CSF2RA: variants seen among roughly 807,000 people sequenced by gnomAD.
CSF2RA encodes colony stimulating factor 2 receptor subunit alpha.
Under a neutral mutation model 51.6 loss-of-function variants are expected in CSF2RA, and 42 were observed. The ratio of observed to expected loss-of-function variants is 0.81; its 90% CI spans 0.64 to 1.05. The LOEUF (loss-of-function observed/expected upper bound fraction) is 1.05. Among genes scored for constraint, CSF2RA ranks in the 50% least tolerant of loss-of-function variants. The pLI is 0.00. For missense variants in CSF2RA, 530 were observed against 501.1 expected, an observed-to-expected ratio of 1.06 and a Z score of -0.55; for synonymous variants, 222 against 193.0, an observed-to-expected ratio of 1.15 and a Z score of -1.24.
At chrX:1,289,732 T>G (rs2148400331) in intron 6 of CSF2RA, among the ~76,000 whole-genome samples, 1 of 151,864 alleles carries the variant, frequency 6.6e-6, no homozygotes, top group Non-Finnish European at 1.5e-5. Context: ...GTTTTTGTTT[T>G]GTGGTTTTCT....
At chrX:1,301,331 C>CAAAAAAAA (rs1156943650) in intron 10 of CSF2RA, among the ~76,000 whole-genome samples, 51 of 62,630 alleles carry the variant, frequency 8.1e-4, no homozygotes, top group South Asian at 3.2e-3. Flanking sequence ...GACTCTGTCT[C>CAAAAAAAA]AAAAAAAAAA....
rs1603417572 is a variant in CSF2RA, at chrX:1,274,780, C to T, written c.-65C>T. 7 of 453,418 alleles carry T rather than the reference C, an allele frequency of 1.5e-5. No individual in the cohort carries two copies. The highest frequency in any genetic ancestry group is 2.0e-5 in the African/African-American group (1 of 49,966). 28.1% of individuals were successfully genotyped at this position (453,418 alleles called of 1,614,324 possible). The stretch of plus-strand genomic sequence containing the variant: ...TTTACAGCAGGAAAATCCGTGGAGA[C>T]AGCAGATCCGAGAAGCGGCGATGTT... On this transcript the variant is annotated 5_prime_UTR_variant, in exon 2 of 13. It introduces an in-frame stop codon into an upstream open reading frame of the 5' UTR. Transcript: ENST00000381529.
At chrX:1,295,723 G>C (rs2091878070) in intron 9 of CSF2RA, 6 of 648,426 alleles carry the variant, frequency 9.3e-6, no homozygotes, top group East Asian at 2.7e-5. Context: ...AGGAGGAGGA[G>C]ACCCTGCCCC....
At chrX:1,302,547 C>T (rs2083098079) in intron 10 of CSF2RA, among the ~76,000 whole-genome samples, 1 of 152,130 alleles carries the variant, frequency 6.6e-6, no homozygotes, top group African/African-American at 2.4e-5. Flanking sequence ...CTCTGTCACC[C>T]AGGCTGGAGT....
At chrX:1,297,924 CCCCTGGCAGAA>C (rs1767737994) in intron 9 of CSF2RA, among the ~76,000 whole-genome samples, 2 of 45,400 alleles carry the variant, frequency 4.4e-5, no homozygotes, top group Non-Finnish European at 9.7e-5. Flanking sequence ...CTACCCATGA[CCCCTGGCAGAA>C]CCCTACAGTC....
chrX:1,274,019 C>T (rs1212191548), intron 1 of CSF2RA, among the ~76,000 whole-genome samples: 2 of 151,900 alleles, frequency 1.3e-5, no homozygotes. Context: ...GCTTGGCGGC[C>T]TCTATTTTAG....
At chrX:1,316,251 T>TAGA in the CSF2RA span, among the ~76,000 whole-genome samples, 1 of 140,152 alleles carries the variant, frequency 7.1e-6, no homozygotes, top group African/African-American at 2.6e-5. Flanking sequence ...AGATGATAGA[T>TAGA]TAGATAGATG....
rs1377465166 is a variant in CSF2RA, at chrX:1,300,558, G to A, written c.878G>A (p.Ser293Asn). 3 of 1,613,926 alleles carry A rather than the reference G, an allele frequency of 1.9e-6. No homozygotes were observed. Among genetic ancestry groups the A allele is most frequent in the East Asian group, 2.2e-5 (1 of 44,882 alleles). The change falls in exon 10 of 13, where the codon AGT (serine) becomes AAT (asparagine). Residue 293 changes from serine to asparagine, a missense_variant. Coordinates refer to ENST00000381529, the MANE Select transcript of CSF2RA (RefSeq NM_172245.4). ...AGCTCTGAGCCCAGAGCAAAACACA[G>A]TGTGAAGATCAGAGCTGCAGACGTC... Reference protein sequence around the residue: ...FPSSEPRAKHSVKIRAADVRI... With the variant: ...FPSSEPRAKHNVKIRAADVRI...
intron 9 of CSF2RA, among the ~76,000 whole-genome samples, chrX:1,297,700 AC>A (rs1182313679): frequency 2.2e-5 from 1 of 44,716 alleles, no homozygotes; most frequent in African/African-American, 9.1e-5. Context: ...ACAGTCTCCT[AC>A]TCATGACCCC....
intron 3 of CSF2RA, among the ~76,000 whole-genome samples, chrX:1,285,483 C>T (rs1189927114): frequency 1.3e-5 from 2 of 151,576 alleles, no homozygotes; most frequent in Non-Finnish European, 2.9e-5. Context: ...CACCTGAGGT[C>T]GGCAGTTCGA....
intron 2 of CSF2RA, among the ~76,000 whole-genome samples, chrX:1,276,254 G>A (rs1381975810): frequency 6.6e-6 from 1 of 151,566 alleles, no homozygotes; most frequent in African/African-American, 2.4e-5. Flanking sequence ...GGCTGGTCTC[G>A]AACTCCTGAC....
intron 8 of CSF2RA, 29 bp from the exon 9 acceptor site, chrX:1,295,398 C>G (rs755318866): frequency 6.2e-7 from 1 of 1,613,390 alleles, no homozygotes; most frequent in Non-Finnish European, 8.5e-7. Context: ...AAACAGTGAG[C>G]CTTGTGTTGT....
intron 2 of CSF2RA, among the ~76,000 whole-genome samples, chrX:1,278,152 G>A (rs1207593495): frequency 1.6e-4 from 24 of 146,424 alleles, no homozygotes; most frequent in African/African-American, 6.1e-4. Flanking sequence ...TCGCCAACAT[G>A]GTGAAACCCC....
At chrX:1,283,505 C>CTT (rs372783935) in intron 3 of CSF2RA, among the ~76,000 whole-genome samples, 15 of 131,222 alleles carry the variant, frequency 1.1e-4, no homozygotes, top group African/African-American at 4.1e-4. Context: ...TTTCTTTCTC[C>CTT]TTTTTTTTTC....
In CSF2RA at chrX:1,282,729, T is replaced by C. The variant is rs1428817106; in HGVS notation, c.26T>C (p.Leu9Pro). Residue 9 changes from leucine (L) to proline (P), a missense_variant, in exon 3 of 13, where the codon CTG (leucine) becomes CCG (proline). Transcript: ENST00000381529. MLLLVTSL[L>P]LCELPHPAFL... is the part of the protein sequence containing the mutation. ...ATGCTTCTCCTGGTGACAAGCCTTC[T>C]GCTCTGTGAGTTACCACACCCAGCA... The C allele has an allele frequency of 6.2e-7, 1 of 1,613,896 alleles. No individual in the cohort carries two copies.
intron 9 of CSF2RA, among the ~76,000 whole-genome samples, chrX:1,295,962 C>T (rs1166679881): frequency 6.6e-6 from 1 of 151,222 alleles, no homozygotes. Context: ...TCTAGTGTAA[C>T]TCTACAGTCC....
chrX:1,317,246 C>CCTTTTTTTT, the CSF2RA span, among the ~76,000 whole-genome samples: 15 of 57,836 alleles, frequency 2.6e-4, 2 homozygotes, highest in African/African-American at 9.6e-4. Context: ...CCACGCTCAG[C>CCTTTTTTTT]TTTTTTTTTT....
chrX:1,324,056 G>C, the CSF2RA span, among the ~76,000 whole-genome samples: 1 of 151,818 alleles, frequency 6.6e-6, no homozygotes, highest in Non-Finnish European at 1.5e-5. Flanking sequence ...ATGGTAGCAT[G>C]TTCCTGTTGC....
chrX:1,287,556 G>T (rs865897879), intron 4 of CSF2RA, among the ~76,000 whole-genome samples: 1 of 144,336 alleles, frequency 6.9e-6, no homozygotes, highest in Non-Finnish European at 1.5e-5. Flanking sequence ...AGATTCTCCT[G>T]CCTCAGCCTC....
Sources: gnomAD v4.1 joint callset for allele counts (sites outside exome capture counted in the v4.1 genomes callset) on GRCh38, gnomAD v4.1.1 for gene constraint, MANE v1.5 for transcripts, NCBI Gene and HGNC (gene_info 2026-07-23, HGNC 2026-07-21) for gene names.